Variants in DZANK1 observed in about 807,000 individuals in gnomAD.
DZANK1 encodes the protein double zinc ribbon and ankyrin repeat-containing protein 1.
Under a neutral mutation model 94.5 loss-of-function variants are expected in DZANK1, and 91 were observed. That is an observed-to-expected ratio of 0.96 (90% confidence interval 0.81 to 1.15). The LOEUF is 1.15. Ranked by LOEUF, DZANK1 falls within the 50% of genes most tolerant of loss-of-function variation. DZANK1 has a pLI of 0.00. For missense variants in DZANK1, 903 were observed against 916.4 expected (o/e 0.99, Z 0.19); for synonymous variants, 312 against 325.3 (o/e 0.96, Z 0.44).
At chr20:18,407,770 T>C (rs2057033906) in intron 13 of DZANK1, among the ~76,000 whole-genome samples, 1 of 152,050 alleles carries the variant, frequency 6.6e-6, no homozygotes, top group Non-Finnish European at 1.5e-5. Context: ...AGTTGGAAAA[T>C]AGAACTGACA....
exon 9 of DZANK1, chr20:18,433,658 G>C: frequency 6.2e-7 from 1 of 1,613,642 alleles, no homozygotes; most frequent in Non-Finnish European, 8.5e-7. Flanking sequence ...TTACCTTCAA[G>C]TGGAGGCTTG....
chr20:18,422,459 T>A (rs897269577), intron 10 of DZANK1, among the ~76,000 whole-genome samples: 4 of 152,212 alleles, frequency 2.6e-5, no homozygotes, highest in Non-Finnish European at 4.4e-5. Context: ...ATATCTCTAA[T>A]CTGAAAATCT....
intron 13 of DZANK1, among the ~76,000 whole-genome samples, chr20:18,403,897 T>C (rs1317275191): frequency 6.6e-6 from 1 of 151,558 alleles, no homozygotes; most frequent in Non-Finnish European, 1.5e-5. Context: ...CCTCCCAGGT[T>C]TGAAAGATTC....
chr20:18,442,407 A>G (rs1280547940), intron 8 of DZANK1, among the ~76,000 whole-genome samples: 2 of 152,204 alleles, frequency 1.3e-5, no homozygotes, highest in Non-Finnish European at 2.9e-5. Context: ...AAACATATCA[A>G]TGAATTTGGC....
In DZANK1 at chr20:18,387,013, TA is replaced by T. The variant is rs1052156076; in HGVS notation, c.2019-1924del. Among the ~76,000 whole-genome samples, 47 of 152,324 alleles carry T rather than the reference TA, an allele frequency of 3.1e-4. 1 individual carries two copies. The highest frequency in any genetic ancestry group is 1.1e-3 in the African/African-American group (47 of 41,582). On this transcript the variant is annotated intron_variant, in intron 19 of 20. Coordinates refer to ENST00000262547, the Ensembl canonical transcript of DZANK1. ...GGGCAGTTTACAAAAGAAAGAGGTT[TA>T]ACTGGAATTAGTCTGGAAAAGACTG...
At chr20:18,385,232 G>A (rs144525133) in intron 19 of DZANK1, 142 bp from the exon 20 acceptor site, 2 of 704,884 alleles carry the variant, frequency 2.8e-6, no homozygotes, top group African/African-American at 1.8e-5. Context: ...TCCTCTCTCT[G>A]CCTTTCTCTT....
At chr20:18,426,211 T>C (rs375873975) in intron 10 of DZANK1, among the ~76,000 whole-genome samples, 3 of 152,194 alleles carry the variant, frequency 2.0e-5, no homozygotes, top group Non-Finnish European at 2.9e-5. Flanking sequence ...GAACTGTGCA[T>C]GCGAGGGATC....
intron 7 of DZANK1, among the ~76,000 whole-genome samples, chr20:18,444,742 T>A (rs929475850): frequency 5.9e-5 from 9 of 152,186 alleles, no homozygotes; most frequent in South Asian, 2.1e-4. Context: ...TGGTTTTTTT[T>A]AAAAAGCTAG....
chr20:18,392,390 C>T (rs2056057015), intron 17 of DZANK1, among the ~76,000 whole-genome samples: 2 of 152,312 alleles, frequency 1.3e-5, no homozygotes, highest in South Asian at 4.1e-4. Context: ...AGAACAGAGT[C>T]CCTGCCTCCA....
At chr20:18,396,240 A>G (rs557520687) in intron 15 of DZANK1, among the ~76,000 whole-genome samples, 1 of 152,360 alleles carries the variant, frequency 6.6e-6, no homozygotes, top group Non-Finnish European at 1.5e-5. Context: ...GACTTCAGTG[A>G]GTCTGAATAA....
At chr20:18,420,524 A>T (rs2057726237) in intron 10 of DZANK1, 1 of 202,152 alleles carries the variant, frequency 4.9e-6, no homozygotes, top group East Asian at 1.2e-4. Flanking sequence ...CACCCACTCC[A>T]TAAACTTTTG....
intron 6 of DZANK1, chr20:18,452,070 GGTTTT>G (rs898234694): frequency 2.8e-4 from 56 of 198,410 alleles, no homozygotes; most frequent in Middle Eastern, 9.3e-4. Flanking sequence ...ATTTAGGGGT[GGTTTT>G]TTTTTTTTTT....
intron 2 of DZANK1, among the ~76,000 whole-genome samples, chr20:18,461,196 T>A (rs1253826126): frequency 6.6e-6 from 1 of 152,236 alleles, no homozygotes; most frequent in Admixed American, 6.5e-5. Flanking sequence ...ATATTTTATA[T>A]CCATACAAGC....
chr20:18,443,441 C>T (rs991448164), exon 8 of DZANK1: 21 of 1,495,176 alleles, frequency 1.4e-5, no homozygotes, highest in South Asian at 4.0e-5. Flanking sequence ...ATCTGATGGC[C>T]GGGGGGCAAG....
In DZANK1 at chr20:18,441,989, T is replaced by C. The variant is rs548030084; in HGVS notation, c.747+1358A>G. Among the ~76,000 whole-genome samples the C allele has an allele frequency of 5.4e-4, 83 of 152,312 alleles. 1 individual carries two copies. The South Asian group carries it at 0.013, about 25-fold the overall frequency. ...AGGAGAGCACACACCTCTGCATCTC[T>C]TTACTGAGACTCTCTGAGTCGTGGG... On this transcript the variant is annotated intron_variant, in intron 8 of 20. Transcript: ENST00000262547. The surrounding 1 kb of genome is among the most constrained non-coding windows in gnomAD (Gnocchi z 4.1).
rs1399991380 is a variant in DZANK1 at position 18,412,967 on chromosome 20, CTTGGAACTAA to C, written c.1243-142_1243-133del. 5 of 1,011,850 alleles carry C rather than the reference CTTGGAACTAA, an allele frequency of 4.9e-6. No homozygotes were observed. The East Asian group carries it at 1.0e-4, about 21-fold the overall frequency. The allele number at this position is 1,011,850 out of a possible 1,614,324, so 62.7% of individuals were successfully genotyped here. On this transcript the variant is annotated intron_variant, in intron 12 of 20. Transcript: ENST00000262547. The stretch of plus-strand genomic sequence containing the variant: ...TAAAAAGTATCTCAAGAAAAGTGTA[CTTGGAACTAA>C]TAGGGTTTTCCAGCCTTTGCCTCAT...
At chr20:18,423,670 A>G (rs2148528595) in intron 10 of DZANK1, among the ~76,000 whole-genome samples, 1 of 152,362 alleles carries the variant, frequency 6.6e-6, no homozygotes, top group East Asian at 1.9e-4. Context: ...TAAGAGTAAG[A>G]TAAGTAGAGA....
At chr20:18,407,434 C>T (rs80244774) in intron 13 of DZANK1, among the ~76,000 whole-genome samples, 5,667 of 152,264 alleles carry the variant, frequency 0.037, 274 homozygotes, top group African/African-American at 0.12. Flanking sequence ...TACCTGGAAA[C>T]CCTTCCCAAG....
rs1275629145 is a variant in DZANK1, at chr20:18,415,424, G to A, written c.980C>T (p.Pro327Leu). The A allele has an allele frequency of 1.9e-6, 3 of 1,580,656 alleles. No homozygotes were observed. In the South Asian group the frequency reaches 3.5e-5, roughly 18 times the overall value. Residue 327 changes from proline to leucine, a missense_variant, in exon 11 of 21, where the codon CCT becomes CTT. Coordinates refer to ENST00000262547, the Ensembl canonical transcript of DZANK1. ...CCCCCCTTTCTGAGTGGGCGGAGGAGGGGCTTTATCCCCACTGCACATCGA... is the reference window on the plus strand; with the variant it reads ...CCCCCCTTTCTGAGTGGGCGGAGGAAGGGCTTTATCCCCACTGCACATCGA...
Sources: allele counts gnomAD v4.1 joint callset (sites outside exome capture counted in the v4.1 genomes callset), GRCh38; gene constraint gnomAD v4.1.1; non-coding constraint Gnocchi (gnomAD v3.1); transcripts MANE v1.5; gene names NCBI Gene and HGNC (gene_info 2026-07-23, HGNC 2026-07-21).